Variants in UBE4B observed in about 807,000 individuals in gnomAD.
UBE4B encodes the protein ubiquitination factor E4B, also known as ubiquitin conjugation factor E4 B.
Under a neutral mutation model 148.1 loss-of-function variants are expected in UBE4B, and 27 were observed. The ratio of observed to expected loss-of-function variants is 0.18; its 90% CI spans 0.13 to 0.25. The LOEUF is 0.25. UBE4B is among the 10% of genes least tolerant of loss of function. The probability of loss-of-function intolerance (pLI) is 1.00; values close to 1 mark genes in which losing one functional copy is unlikely to be tolerated. For missense variants in UBE4B, 1,170 were observed against 1,662.4 expected, an observed-to-expected ratio of 0.70 and a Z score of 5.15; for synonymous variants, 596 against 619.3, an observed-to-expected ratio of 0.96 and a Z score of 0.56.
chr1:10,105,850 T>C, intron 6 of UBE4B, 106 bp downstream of exon 6: 2 of 1,141,722 alleles, frequency 1.8e-6, no homozygotes, highest in East Asian at 5.1e-5. Context: ...ATACAGGGTA[T>C]GGCATATATC....
intron 20 of UBE4B, among the ~76,000 whole-genome samples, chr1:10,150,464 T>C (rs1395149334): frequency 1.3e-5 from 2 of 152,218 alleles, no homozygotes; most frequent in Non-Finnish European, 2.9e-5. Context: ...TGATGATCTT[T>C]TGTGAAGTTT....
chr1:10,140,702 A>G (rs936341051), intron 17 of UBE4B, among the ~76,000 whole-genome samples: 4 of 152,160 alleles, frequency 2.6e-5, no homozygotes, highest in African/African-American at 9.7e-5. Flanking sequence ...TTCCAGAGAC[A>G]TTTATGTTCA....
intron 1 of UBE4B, among the ~76,000 whole-genome samples, chr1:10,064,932 T>G (rs1644359890): frequency 6.6e-6 from 1 of 151,984 alleles, no homozygotes; most frequent in African/African-American, 2.4e-5. Context: ...CCCAGCTAAT[T>G]TTTGTATTTT....
chr1:10,142,595 C>T (rs561929913), intron 17 of UBE4B, among the ~76,000 whole-genome samples: 16 of 152,164 alleles, frequency 1.1e-4, no homozygotes, highest in Non-Finnish European at 1.5e-4. Context: ...CGCTTGAACA[C>T]GGGAGACGGA....
chr1:10,180,076 G>A lies in UBE4B; in HGVS notation c.*120G>A. The A allele has an allele frequency of 6.9e-6, 9 of 1,299,350 alleles. No homozygotes were observed. The highest frequency in any genetic ancestry group is 9.8e-6 in the Non-Finnish European group (9 of 919,958). 80.5% of individuals were successfully genotyped at this position (1,299,350 alleles called of 1,614,324 possible). ...GGCCAAATGTGGCAAACCAACCCCAGGCCCACCCAGAGCGAGCAAACGCTG... is the reference window on the plus strand; with the variant it reads ...GGCCAAATGTGGCAAACCAACCCCAAGCCCACCCAGAGCGAGCAAACGCTG... On this transcript the variant is annotated 3_prime_UTR_variant, in exon 28 of 28. Coordinates refer to ENST00000343090, the MANE Select transcript of UBE4B (RefSeq NM_001105562.3).
chr1:10,047,483 T>C (rs1331744776), intron 1 of UBE4B, among the ~76,000 whole-genome samples: 3 of 148,762 alleles, frequency 2.0e-5, no homozygotes, highest in Non-Finnish European at 3.0e-5. Flanking sequence ...GAAAGCTTCA[T>C]ATATCTTTTT....
At chr1:10,110,271 A>G (rs1355203018) in intron 7 of UBE4B, among the ~76,000 whole-genome samples, 1 of 152,222 alleles carries the variant, frequency 6.6e-6, no homozygotes. Flanking sequence ...GATGATAAGG[A>G]TTAATTTTAA....
chr1:10,176,699 A>G (rs941667108), intron 25 of UBE4B, among the ~76,000 whole-genome samples: 6 of 150,604 alleles, frequency 4.0e-5, no homozygotes, highest in African/African-American at 1.2e-4. Context: ...CTTGGGAGCA[A>G]TGTCTATTCA....
In UBE4B at chr1:10,180,613, T is replaced by C. The variant is rs1364274498; in HGVS notation, c.*657T>C. 6.6e-6 allele frequency: 1 copy of C among 152,484 alleles called. No individual in the cohort carries two copies. Among genetic ancestry groups the C allele is most frequent in the Non-Finnish European group, 1.5e-5 (1 of 68,032 alleles). The allele number at this position is 152,484 out of a possible 1,614,324, so 9.4% of individuals were successfully genotyped here. A position where few individuals can be genotyped will look rare whatever the true frequency, so the allele number is the denominator to read the frequency against. On this transcript the variant is annotated 3_prime_UTR_variant, in exon 28 of 28. Transcript: ENST00000343090. ...GCAAGATATTTTCAGAATTTGAATT[T>C]CAGTTTTTTTTTTCTTTTGAAATGT...
At chr1:10,143,591 C>T (rs1041106278) in intron 17 of UBE4B, among the ~76,000 whole-genome samples, 18 of 152,194 alleles carry the variant, frequency 1.2e-4, no homozygotes, top group Admixed American at 6.5e-5. Flanking sequence ...ACATCTACAA[C>T]GTCCCTTTCG....
rs988927151 is a variant in UBE4B, at chr1:10,137,157, G to A, written c.2315G>A (p.Ser772Asn). The A allele has an allele frequency of 1.2e-6, 2 of 1,613,988 alleles. No individual in the cohort carries two copies. Among genetic ancestry groups the A allele is most frequent in the Non-Finnish European group, 1.7e-6 (2 of 1,180,042 alleles). Residue 772 changes from serine (S) to asparagine (N), a missense_variant, in exon 17 of 28, where the codon AGT becomes AAT. Ser to Asn is a conservative substitution (Grantham distance 46). Coordinates refer to ENST00000343090, the MANE Select transcript of UBE4B (RefSeq NM_001105562.3). ...LHAHHLSILP[S>N]CRRYIRRLRA... Reference sequence around the variant, plus strand: ...GCTCACCACCTCTCTATTCTGCCTAGTTGCCGTCGCTATATCCGCAGACTC... The same window carrying A: ...GCTCACCACCTCTCTATTCTGCCTAATTGCCGTCGCTATATCCGCAGACTC...
At chr1:10,145,253 C>T (rs535494816) in intron 18 of UBE4B, 1 of 368,960 alleles carries the variant, frequency 2.7e-6, no homozygotes, top group African/African-American at 2.1e-5. Flanking sequence ...GATAGATATG[C>T]TTCTGCTGTG....
At chr1:10,146,850 T>G (rs942956262) in intron 18 of UBE4B, 113 bp from the exon 19 acceptor site, 3 of 1,334,644 alleles carry the variant, frequency 2.2e-6, no homozygotes, top group Admixed American at 4.7e-5. Context: ...GATGAAGCTC[T>G]AGAAGCTCTG....
chr1:10,040,164 G>A (rs1426193040), intron 1 of UBE4B, among the ~76,000 whole-genome samples: 5 of 150,804 alleles, frequency 3.3e-5, no homozygotes, highest in South Asian at 2.1e-4. Flanking sequence ...TCCCTCTGTC[G>A]CCCAGGCTGG....
chr1:10,068,895 C>T (rs1321350592), intron 1 of UBE4B, among the ~76,000 whole-genome samples: 2 of 152,198 alleles, frequency 1.3e-5, no homozygotes. Context: ...CCCTGCATGG[C>T]TCTTCCTAAA....
intron 1 of UBE4B, among the ~76,000 whole-genome samples, chr1:10,035,827 T>C (rs1310116307): frequency 6.6e-6 from 1 of 150,980 alleles, no homozygotes; most frequent in African/African-American, 2.4e-5. Flanking sequence ...ACTGCAAAGC[T>C]CCGCTTCCCG....
intron 9 of UBE4B, among the ~76,000 whole-genome samples, chr1:10,120,349 C>T (rs1293174580): frequency 2.6e-5 from 4 of 151,902 alleles, no homozygotes; most frequent in East Asian, 1.9e-4. Flanking sequence ...GGCAAAATTC[C>T]GTCTCTACTA....
chr1:10,150,069 A>G (rs976874771), intron 20 of UBE4B, among the ~76,000 whole-genome samples: 56 of 152,350 alleles, frequency 3.7e-4, no homozygotes, highest in African/African-American at 1.3e-3. Context: ...CAAAATTAGT[A>G]TAAATGATTT....
At chr1:10,125,205 G>GA (rs1391896163) in intron 10 of UBE4B, among the ~76,000 whole-genome samples, 48 of 152,344 alleles carry the variant, frequency 3.2e-4, no homozygotes, top group Admixed American at 3.1e-3. Flanking sequence ...AACTATACAA[G>GA]AAAGTGTAAT....
Sources: gnomAD v4.1 joint callset for allele counts (sites outside exome capture counted in the v4.1 genomes callset) on GRCh38, gnomAD v4.1.1 for gene constraint, MANE v1.5 for transcripts, NCBI Gene and HGNC (gene_info 2026-07-23, HGNC 2026-07-21) for gene names.